The following MYOM1 variants were observed in gnomAD, a reference collection of about 807,000 sequenced individuals.
MYOM1 encodes the protein myomesin 1.
In MYOM1, 164 loss-of-function variants were observed where a neutral mutation model predicts 205.3. That is an observed-to-expected ratio of 0.80 (90% CI 0.70 to 0.91). MYOM1 has a LOEUF of 0.91. Among genes scored for constraint, MYOM1 ranks in the 40% least tolerant of loss-of-function variants. The pLI, the probability that MYOM1 is intolerant of heterozygous loss-of-function variation, is 0.00. For missense variants in MYOM1, 2,011 were observed against 2,127.3 expected (o/e 0.95, Z 1.08); for synonymous variants, 772 against 789.4 (o/e 0.98, Z 0.37).
At chr18:3,227,200 T>A in the MYOM1 span, among the ~76,000 whole-genome samples, 1 of 152,168 alleles carries the variant, frequency 6.6e-6, no homozygotes, top group Non-Finnish European at 1.5e-5. Context: ...AACTTTCTTG[T>A]TTGTATTTTT....
At chr18:3,240,383 G>C in the MYOM1 span, among the ~76,000 whole-genome samples, 1 of 152,240 alleles carries the variant, frequency 6.6e-6, no homozygotes, top group Admixed American at 6.5e-5. Flanking sequence ...GAATCATGGG[G>C]GCAGGTCTTT....
intron 10 of MYOM1, among the ~76,000 whole-genome samples, chr18:3,162,495 A>C (rs1250305838): frequency 6.6e-6 from 1 of 152,110 alleles, no homozygotes; most frequent in African/African-American, 2.4e-5. Flanking sequence ...CTGACTCATG[A>C]CTGACACTGG....
chr18:3,194,254 T>C (rs917156999), intron 2 of MYOM1, among the ~76,000 whole-genome samples: 6 of 152,250 alleles, frequency 3.9e-5, no homozygotes, highest in African/African-American at 9.6e-5. Flanking sequence ...TAGTTCTAAA[T>C]GCCCTTTTGT....
intron 14 of MYOM1, among the ~76,000 whole-genome samples, chr18:3,141,186 C>T (rs937753530): frequency 6.6e-6 from 1 of 152,128 alleles, no homozygotes; most frequent in Non-Finnish European, 1.5e-5. Context: ...TCAGTTCTGC[C>T]GAAATAATGT....
chr18:3,191,390 C>T (rs962243138), intron 3 of MYOM1, among the ~76,000 whole-genome samples: 5 of 152,194 alleles, frequency 3.3e-5, no homozygotes, highest in Admixed American at 6.5e-5. Flanking sequence ...AGGCATGCAG[C>T]TTTCAGCAAG....
chr18:3,183,001 C>T (rs2080760724), intron 5 of MYOM1, among the ~76,000 whole-genome samples: 1 of 147,082 alleles, frequency 6.8e-6, no homozygotes, highest in South Asian at 2.1e-4. Context: ...GTGATCTCAG[C>T]TCACCGCAAC....
intron 14 of MYOM1, among the ~76,000 whole-genome samples, chr18:3,140,716 G>A (rs1043381790): frequency 6.6e-6 from 1 of 151,992 alleles, no homozygotes; most frequent in Non-Finnish European, 1.5e-5. Context: ...TGACCTAATA[G>A]GTGTTACAAA....
At chr18:3,096,898 A>C (rs1169383873) in intron 25 of MYOM1, among the ~76,000 whole-genome samples, 1 of 152,192 alleles carries the variant, frequency 6.6e-6, no homozygotes. Context: ...CTGGCAAGAT[A>C]GACTAAGTCG....
chr18:3,103,165 A>G (rs888071112), intron 22 of MYOM1, among the ~76,000 whole-genome samples: 1 of 144,246 alleles, frequency 6.9e-6, no homozygotes, highest in Non-Finnish European at 1.5e-5. Flanking sequence ...GCCTATATTC[A>G]CATATTCAAA....
intron 5 of MYOM1, 77 bp from the exon 6 acceptor site, chr18:3,176,211 T>A (rs1032642770): frequency 3.6e-6 from 3 of 838,698 alleles, no homozygotes; most frequent in Non-Finnish European, 5.9e-6. Flanking sequence ...ACAATTCTTG[T>A]TCTTGCAGGA....
intron 2 of MYOM1, among the ~76,000 whole-genome samples, chr18:3,198,742 C>G (rs1280921327): frequency 1.3e-5 from 2 of 151,322 alleles, no homozygotes; most frequent in Non-Finnish European, 2.9e-5. Flanking sequence ...AAGATCGCAC[C>G]ACTGCCCTCC....
chr18:3,171,092 T>G (rs1352165432), intron 8 of MYOM1, among the ~76,000 whole-genome samples: 3 of 152,186 alleles, frequency 2.0e-5, no homozygotes, highest in Non-Finnish European at 4.4e-5. Flanking sequence ...AACTGATGCA[T>G]AGGAAGGCAA....
At chr18:3,240,904 C>G in the MYOM1 span, among the ~76,000 whole-genome samples, 1 of 152,264 alleles carries the variant, frequency 6.6e-6, no homozygotes, top group African/African-American at 2.4e-5. Flanking sequence ...GTGACTCTTG[C>G]TATGTTTTAG....
Position 3,119,927 on chromosome 18 carries a change from G to A in MYOM1, c.3060C>T (p.Gly1020=), listed in dbSNP as rs771065186. ...AGCATTCGCTTACTGCGGAGGGCGC[G>A]CCCAGCCCAGCCATGTTCATGGCTG... is the stretch of plus-strand genomic sequence containing the variant. The part of the protein sequence containing the change: ...QVAAMNMAGL[G]APSAVSECFK... The change falls in exon 20 of 38, where the codon GGC becomes GGT. Residue 1020 remains glycine (G), a synonymous_variant. Coordinates refer to ENST00000356443, the MANE Select transcript of MYOM1 (RefSeq NM_003803.4). 8.1e-6 allele frequency: 13 copies of A among 1,610,856 alleles called. No homozygotes were observed. Among genetic ancestry groups the A allele is most frequent in the Middle Eastern group, 1.7e-4 (1 of 5,912 alleles).
At chr18:3,185,823 TAGAAAA>T (rs1205390245) in intron 5 of MYOM1, among the ~76,000 whole-genome samples, 1 of 152,156 alleles carries the variant, frequency 6.6e-6, no homozygotes, top group African/African-American at 2.4e-5. Context: ...TTTACATACA[TAGAAAA>T]ATTGTAAGTA....
chr18:3,173,687 A>G (rs570200546), intron 8 of MYOM1, among the ~76,000 whole-genome samples: 1 of 151,944 alleles, frequency 6.6e-6, no homozygotes, highest in South Asian at 2.1e-4. Context: ...AGATGTAAAA[A>G]CATTTGCTAT....
chr18:3,235,788 G>A, the MYOM1 span, among the ~76,000 whole-genome samples: 5 of 152,282 alleles, frequency 3.3e-5, no homozygotes, highest in Admixed American at 6.5e-5. Context: ...AGAGGGGAAC[G>A]CTGTGGGTGG....
the MYOM1 span, among the ~76,000 whole-genome samples, chr18:3,225,594 C>T: frequency 1.3e-5 from 2 of 152,166 alleles, no homozygotes; most frequent in South Asian, 4.1e-4. Flanking sequence ...AGAACAAAGG[C>T]TTGGCACCTC....
chr18:3,227,474 A>G, the MYOM1 span, among the ~76,000 whole-genome samples: 34 of 152,276 alleles, frequency 2.2e-4, no homozygotes, highest in African/African-American at 7.9e-4. Flanking sequence ...GGGGGTAATG[A>G]GGAGTATAGC....
Sources: gnomAD v4.1 joint callset for allele counts (sites outside exome capture counted in the v4.1 genomes callset) on GRCh38, gnomAD v4.1.1 for gene constraint, MANE v1.5 for transcripts, NCBI Gene and HGNC (gene_info 2026-07-23, HGNC 2026-07-21) for gene names.